Variants in USO1 observed in about 807,000 individuals in gnomAD.
USO1 encodes USO1 vesicle transport factor, also known as general vesicular transport factor p115.
A neutral mutation model predicts 124.5 loss-of-function variants in USO1; 57 were observed. The observed-to-expected ratio is 0.46, with a 90% CI of 0.37 to 0.57. USO1 has a LOEUF of 0.57. USO1 is among the 20% of genes least tolerant of loss of function. The pLI, the probability that USO1 is intolerant of heterozygous loss-of-function variation, is 0.00. For synonymous variants in USO1, 369 were observed against 362.8 expected (o/e 1.02, Z -0.19); for missense variants, 900 against 1,040.6 (o/e 0.86, Z 1.86).
At chr4:75,727,460 A>G (rs963130045) in intron 1 of USO1, among the ~76,000 whole-genome samples, 4 of 152,176 alleles carry the variant, frequency 2.6e-5, no homozygotes, top group South Asian at 2.1e-4. Context: ...CAATAAAGCA[A>G]TTTGCCTTCT....
intron 1 of USO1, among the ~76,000 whole-genome samples, chr4:75,743,963 A>T (rs1300315382): frequency 6.6e-6 from 1 of 152,040 alleles, no homozygotes; most frequent in Non-Finnish European, 1.5e-5. Flanking sequence ...TTTTTAGTAG[A>T]GATGGGGTTT....
intron 8 of USO1, among the ~76,000 whole-genome samples, chr4:75,778,603 G>A (rs907909929): frequency 3.3e-5 from 5 of 152,128 alleles, no homozygotes; most frequent in African/African-American, 1.2e-4. Context: ...TGGTTGCCAG[G>A]GATTTGGGGA....
intron 9 of USO1, among the ~76,000 whole-genome samples, chr4:75,784,848 A>G (rs1722315723): frequency 6.6e-6 from 1 of 152,176 alleles, no homozygotes. Flanking sequence ...ACAGAAAAAT[A>G]CAGTATTCTC....
rs771561310 is a variant in USO1, at chr4:75,724,689, G to A, written c.-131G>A. The A allele has an allele frequency of 8.9e-6, 8 of 897,462 alleles. No individual in the cohort carries two copies. Among genetic ancestry groups the A allele is most frequent in the Non-Finnish European group, 1.3e-5 (8 of 593,818 alleles). The allele number at this position is 897,462 out of a possible 1,614,324, so 55.6% of individuals were successfully genotyped here. A position where few individuals can be genotyped will look rare whatever the true frequency, so the allele number is the denominator to read the frequency against. ...CTTAGAGGGCTGGAGTGGCCGCCGA[G>A]TTGGAGGCGGTGGTGGCAGCAGTAG... On this transcript the variant is annotated 5_prime_UTR_variant, in exon 1 of 24. Transcript: ENST00000514213.
chr4:75,758,928 A>T (rs1342230038), intron 4 of USO1, among the ~76,000 whole-genome samples: 3 of 152,210 alleles, frequency 2.0e-5, no homozygotes, highest in Non-Finnish European at 4.4e-5. Context: ...TATTTCTACA[A>T]TGAGAAAATT....
At chr4:75,727,515 C>G (rs1720499189) in intron 1 of USO1, among the ~76,000 whole-genome samples, 1 of 152,096 alleles carries the variant, frequency 6.6e-6, no homozygotes. Flanking sequence ...ATTTGTTTCA[C>G]TATTTCGTTC....
chr4:75,783,162 T>C (rs1722270588), intron 9 of USO1, among the ~76,000 whole-genome samples: 2 of 152,222 alleles, frequency 1.3e-5, no homozygotes, highest in South Asian at 4.1e-4. Flanking sequence ...AATAATAGGT[T>C]ACATTGTTGA....
At chr4:75,806,180 T>G (rs1298986097) in intron 19 of USO1, among the ~76,000 whole-genome samples, 1 of 152,032 alleles carries the variant, frequency 6.6e-6, no homozygotes, top group Admixed American at 6.6e-5. Flanking sequence ...TTAGTAGAGA[T>G]AGGGTTTCAC....
intron 23 of USO1, among the ~76,000 whole-genome samples, chr4:75,812,965 G>A (rs1262600781): frequency 3.3e-5 from 5 of 151,956 alleles, no homozygotes; most frequent in African/African-American, 9.7e-5. Context: ...ACAAAAATTA[G>A]CAGGGCGCTT....
intron 13 of USO1, chr4:75,795,288 T>A (rs769188305): frequency 2.9e-6 from 2 of 699,400 alleles, no homozygotes; most frequent in Non-Finnish European, 5.2e-6. Flanking sequence ...ATTTAGACTT[T>A]TCTAAAGTAG....
At chr4:75,725,638 A>G (rs892534987) in intron 1 of USO1, among the ~76,000 whole-genome samples, 11 of 151,516 alleles carry the variant, frequency 7.3e-5, no homozygotes, top group Non-Finnish European at 1.6e-4. Context: ...AAAAATGGTT[A>G]GCCGCTGAAA....
In USO1 at chr4:75,745,119, C is replaced by T. The variant is rs201641313; in HGVS notation, c.67-7254C>T. 1.2e-4 allele frequency among the ~76,000 whole-genome samples: 18 copies of T among 152,282 alleles called. No individual in the cohort carries two copies. In the East Asian group the frequency reaches 2.7e-3, roughly 23 times the overall value. On this transcript the variant is annotated intron_variant, in intron 1 of 23. Transcript: ENST00000514213. ...ATAGTAATGAGCTGCCCTGTTCTTT[C>T]TATCTTTAATCTCCCCACTCCACCT...
chr4:75,766,228 T>C (rs960778666), intron 4 of USO1, among the ~76,000 whole-genome samples: 1 of 152,230 alleles, frequency 6.6e-6, no homozygotes, highest in African/African-American at 2.4e-5. Context: ...GATATACTTT[T>C]TCTTATGTCT....
At chr4:75,750,925 C>G (rs987501624) in intron 1 of USO1, among the ~76,000 whole-genome samples, 7 of 152,108 alleles carry the variant, frequency 4.6e-5, no homozygotes, top group Non-Finnish European at 7.4e-5. Flanking sequence ...TATGCACAGT[C>G]TGATACTTTT....
Position 75,724,627 on chromosome 4 carries a change from A to T in USO1, c.-193A>T. 1.7e-6 allele frequency: 1 copy of T among 584,722 alleles called. No homozygotes were observed. Among genetic ancestry groups the T allele is most frequent in the South Asian group, 2.1e-5 (1 of 48,510 alleles). 36.2% of individuals were successfully genotyped at this position (584,722 alleles called of 1,614,324 possible). The stretch of plus-strand genomic sequence containing the variant: ...GCCACGTAATGCCACGTCCCCGCGC[A>T]TGCGCATCTTGGCCGCTGCTGGCGG... On this transcript the variant is annotated 5_prime_UTR_variant, in exon 1 of 24. An upstream start codon of the reference 5' UTR is lost. Coordinates refer to ENST00000514213, the MANE Select transcript of USO1 (RefSeq NM_003715.4).
chr4:75,756,750 T>C (rs987801292), intron 3 of USO1, among the ~76,000 whole-genome samples: 3 of 151,852 alleles, frequency 2.0e-5, no homozygotes, highest in African/African-American at 7.3e-5. Flanking sequence ...CAACTTCAGG[T>C]GATCCACCTG....
intron 3 of USO1, chr4:75,755,554 C>G: frequency 2.0e-6 from 1 of 510,714 alleles, no homozygotes; most frequent in South Asian, 1.4e-5. Flanking sequence ...AGTTATATTT[C>G]AGTTATGCCC....
intron 7 of USO1, among the ~76,000 whole-genome samples, chr4:75,771,430 C>T (rs747123095): frequency 2.6e-5 from 4 of 152,134 alleles, no homozygotes; most frequent in African/African-American, 4.8e-5. Flanking sequence ...TTGTACAAGG[C>T]CACATTGTTT....
chr4:75,756,088 A>G (rs1039120723), intron 3 of USO1, among the ~76,000 whole-genome samples: 3 of 151,486 alleles, frequency 2.0e-5, no homozygotes, highest in Admixed American at 2.0e-4. Flanking sequence ...GAGAATGGCA[A>G]GAACCCAGGA....
Sources: gnomAD v4.1 joint callset for allele counts (sites outside exome capture counted in the v4.1 genomes callset) on GRCh38, gnomAD v4.1.1 for gene constraint, MANE v1.5 for transcripts, NCBI Gene and HGNC (gene_info 2026-07-23, HGNC 2026-07-21) for gene names.